Variants in PCDH15 observed in about 807,000 individuals in gnomAD.
The protein encoded by PCDH15 is protocadherin related 15.
In PCDH15, 129 loss-of-function variants were observed where a neutral mutation model predicts 178.5. The observed-to-expected ratio is 0.72, with a 90% CI of 0.63 to 0.84. The LOEUF (loss-of-function observed/expected upper bound fraction) is 0.84, where lower values mean the gene tolerates loss of function less well. PCDH15 is among the 40% of genes least tolerant of loss of function. The pLI is 0.00. For synonymous variants in PCDH15, 800 were observed against 732.0 expected (o/e 1.09, Z -1.50); for missense variants, 2,230 against 2,099.9 (o/e 1.06, Z -1.21).
Position 54,745,373 on chromosome 10 carries a change from G to GAA in PCDH15, c.-29+55550_-29+55551dup, listed in dbSNP as rs11392477. On this transcript the variant is annotated intron_variant, in intron 1 of 37. Coordinates refer to ENST00000644397, the MANE Select transcript of PCDH15 (RefSeq NM_001384140.1). ...AACCAAATCCTTTTATATACACACA[G>GAA]AAAAAAAAACATGAAAGTGAAAGTG... Among the ~76,000 whole-genome samples the GAA allele has an allele frequency of 1.2e-3, 177 of 150,782 alleles. 1 individual carries two copies. The highest frequency in any genetic ancestry group is 3.2e-3 in the African/African-American group (131 of 41,186).
At chr10:55,559,269 T>C (rs1350672737) in intron 2 of PCDH15, among the ~76,000 whole-genome samples, 2 of 152,078 alleles carry the variant, frequency 1.3e-5, no homozygotes, top group Non-Finnish European at 2.9e-5. Context: ...AAATATCATA[T>C]AGTTATTCAA....
intron 2 of PCDH15, among the ~76,000 whole-genome samples, chr10:54,961,658 G>A (rs564348855): frequency 6.6e-6 from 1 of 152,276 alleles, no homozygotes; most frequent in East Asian, 1.9e-4. Context: ...ACCCACTTCG[G>A]GATTCCTCTA....
intron 3 of PCDH15, among the ~76,000 whole-genome samples, chr10:54,386,678 A>G (rs1292683877): frequency 2.6e-5 from 4 of 152,216 alleles, no homozygotes; most frequent in Non-Finnish European, 4.4e-5. Flanking sequence ...TTTTCAAAGA[A>G]GATATACAAA....
chr10:54,721,362 A>G (rs541140681), intron 1 of PCDH15, among the ~76,000 whole-genome samples: 15 of 151,800 alleles, frequency 9.9e-5, no homozygotes, highest in East Asian at 9.7e-4. Context: ...CTAGCAGAAG[A>G]AAAAAAATAA....
At chr10:55,418,849 C>T (rs181699066) in intron 2 of PCDH15, among the ~76,000 whole-genome samples, 1 of 151,496 alleles carries the variant, frequency 6.6e-6, no homozygotes, top group Non-Finnish European at 1.5e-5. Flanking sequence ...GGAGGCAAAC[C>T]TTAAAATAAT....
chr10:54,618,354 A>G (rs904179679), intron 2 of PCDH15, among the ~76,000 whole-genome samples: 6 of 152,150 alleles, frequency 3.9e-5, no homozygotes, highest in African/African-American at 1.4e-4. Flanking sequence ...ACATACAGAT[A>G]GTAGTAGACT....
intron 2 of PCDH15, among the ~76,000 whole-genome samples, chr10:55,370,261 A>G (rs1306804418): frequency 6.6e-6 from 1 of 152,150 alleles, no homozygotes; most frequent in Non-Finnish European, 1.5e-5. Flanking sequence ...TGGCAAAGAA[A>G]AAACACAATA....
chr10:55,548,951 A>C (rs1364395143), intron 2 of PCDH15, among the ~76,000 whole-genome samples: 1 of 152,156 alleles, frequency 6.6e-6, no homozygotes, highest in African/African-American at 2.4e-5. Flanking sequence ...CAAAAGAATA[A>C]TTTTAGTATT....
At chr10:55,498,239 GA>G (rs1840580268) in intron 2 of PCDH15, among the ~76,000 whole-genome samples, 1 of 151,814 alleles carries the variant, frequency 6.6e-6, no homozygotes, top group Non-Finnish European at 1.5e-5. Context: ...TATAATTGAT[GA>G]AAATGTCTAC....
intron 2 of PCDH15, among the ~76,000 whole-genome samples, chr10:54,648,760 G>T (rs1287649131): frequency 1.3e-5 from 2 of 152,036 alleles, no homozygotes; most frequent in Non-Finnish European, 2.9e-5. Flanking sequence ...TTGAATGAAT[G>T]AATGAAAATA....
chr10:54,231,309 C>T (rs12240793), intron 9 of PCDH15, among the ~76,000 whole-genome samples: 8,313 of 152,306 alleles, frequency 0.055, 560 homozygotes, highest in African/African-American at 0.17. Context: ...AAGCCATAGC[C>T]TTGGCAGCTT....
At chr10:55,300,196 A>G (rs1235451928) in intron 1 of PCDH15, among the ~76,000 whole-genome samples, 1 of 152,136 alleles carries the variant, frequency 6.6e-6, no homozygotes, top group Admixed American at 6.6e-5. Flanking sequence ...TCTCCACAGA[A>G]ATTGAAATCC....
intron 9 of PCDH15, among the ~76,000 whole-genome samples, chr10:54,234,923 G>T (rs368281217): frequency 6.6e-5 from 10 of 152,108 alleles, no homozygotes; most frequent in South Asian, 2.1e-4. Flanking sequence ...AACATACAAG[G>T]CTCTCTAGTT....
At chr10:54,484,643 C>A (rs1040911086) in intron 3 of PCDH15, among the ~76,000 whole-genome samples, 4 of 151,576 alleles carry the variant, frequency 2.6e-5, no homozygotes, top group African/African-American at 9.7e-5. Flanking sequence ...AAAATCGATC[C>A]CCGCTCATCA....
intron 3 of PCDH15, among the ~76,000 whole-genome samples, chr10:54,424,667 T>C (rs1201588609): frequency 1.3e-5 from 2 of 152,034 alleles, no homozygotes; most frequent in Non-Finnish European, 2.9e-5. Flanking sequence ...CACCATGGAA[T>C]ACTATGCAGC....
intron 27 of PCDH15, among the ~76,000 whole-genome samples, chr10:53,859,707 G>T (rs911846311): frequency 6.6e-6 from 1 of 152,026 alleles, no homozygotes; most frequent in Non-Finnish European, 1.5e-5. Flanking sequence ...TGAATTTTCT[G>T]CCAGGTCCTT....
intron 2 of PCDH15, among the ~76,000 whole-genome samples, chr10:54,625,418 T>C (rs1456759849): frequency 1.3e-5 from 2 of 152,198 alleles, no homozygotes; most frequent in Non-Finnish European, 2.9e-5. Context: ...TCTCATCTTG[T>C]AGCTTCCATA....
intron 2 of PCDH15, chr10:54,600,565 C>G: frequency 5.1e-6 from 3 of 585,388 alleles, no homozygotes; most frequent in Non-Finnish European, 1.0e-5. Context: ...AAAACTGTAA[C>G]CATCACTCAA....
intron 2 of PCDH15, among the ~76,000 whole-genome samples, chr10:55,363,477 A>G (rs1845278531): frequency 6.6e-6 from 1 of 152,164 alleles, no homozygotes; most frequent in African/African-American, 2.4e-5. Flanking sequence ...TGTTTTGTTT[A>G]GCTTCATTAG....
Sources: allele counts gnomAD v4.1 joint callset (sites outside exome capture counted in the v4.1 genomes callset), GRCh38; gene constraint gnomAD v4.1.1; transcripts MANE v1.5; gene names NCBI Gene and HGNC (gene_info 2026-07-23, HGNC 2026-07-21).